The following SORCS1 variants were observed in gnomAD, a reference collection of about 807,000 sequenced individuals.
The protein encoded by SORCS1 is sortilin related VPS10 domain containing receptor 1.
A neutral mutation model predicts 146.1 loss-of-function variants in SORCS1; 60 were observed. The observed-to-expected ratio is 0.41, with a 90% CI of 0.33 to 0.51. The LOEUF (loss-of-function observed/expected upper bound fraction) is 0.51. Ranked by LOEUF, SORCS1 falls within the 20% of genes least tolerant of loss-of-function variation. The pLI, the probability that SORCS1 is intolerant of heterozygous loss-of-function variation, is 0.21. For missense variants in SORCS1, 1,352 were observed against 1,487.6 expected (o/e 0.91, Z 1.50); for synonymous variants, 637 against 584.0 (o/e 1.09, Z -1.31).
intron 3 of SORCS1, among the ~76,000 whole-genome samples, chr10:106,796,500 C>T (rs1946560758): frequency 1.3e-5 from 2 of 152,144 alleles, no homozygotes; most frequent in Admixed American, 6.5e-5. Flanking sequence ...CCCGGCAAGA[C>T]TCAATTGCCA....
chr10:107,051,315 C>T (rs1399971401), intron 1 of SORCS1, among the ~76,000 whole-genome samples: 4 of 151,936 alleles, frequency 2.6e-5, no homozygotes. Context: ...TCTTACCAGC[C>T]ATAAAAATAT....
Position 106,966,112 on chromosome 10 carries a change from T to C in SORCS1, c.559-9532A>G, listed in dbSNP as rs367687529. ...GAATGCACATGCAGCTAACTGCAGA[T>C]TTCCACAGATGGTTTTACAGTATCA... On this transcript the variant is annotated intron_variant, in intron 1 of 25. Transcript: ENST00000263054. 2.2e-4 allele frequency among the ~76,000 whole-genome samples: 34 copies of C among 152,352 alleles called. No homozygotes were observed. The East Asian group carries it at 6.6e-3, about 29-fold the overall frequency.
intron 3 of SORCS1, among the ~76,000 whole-genome samples, chr10:106,804,250 T>C (rs1947054145): frequency 6.6e-6 from 1 of 152,028 alleles, no homozygotes; most frequent in African/African-American, 2.4e-5. Flanking sequence ...CAACTGTGTA[T>C]GGAAATAATT....
intron 1 of SORCS1, among the ~76,000 whole-genome samples, chr10:106,987,964 T>G (rs17192109): frequency 0.22 from 33,730 of 152,138 alleles, 4,531 homozygotes; most frequent in Middle Eastern, 0.33. Flanking sequence ...TTAACAAAAA[T>G]TGATAAAAAC....
At chr10:107,124,792 G>GT (rs930854632) in intron 1 of SORCS1, among the ~76,000 whole-genome samples, 1 of 152,008 alleles carries the variant, frequency 6.6e-6, no homozygotes, top group African/African-American at 2.4e-5. Flanking sequence ...TGTATGAAAC[G>GT]TGTAATTTTC....
intron 1 of SORCS1, among the ~76,000 whole-genome samples, chr10:107,036,010 A>T (rs1250194230): frequency 6.6e-6 from 1 of 151,286 alleles, no homozygotes; most frequent in Non-Finnish European, 1.5e-5. Flanking sequence ...GAACACAGAC[A>T]GTGTGATTCT....
intron 3 of SORCS1, among the ~76,000 whole-genome samples, chr10:106,821,838 C>T (rs1275041483): frequency 1.3e-5 from 2 of 151,788 alleles, no homozygotes; most frequent in Admixed American, 6.6e-5. Flanking sequence ...AGGAGAATGG[C>T]GTGACCCTGG....
At chr10:106,735,900 A>G (rs1230349416) in intron 5 of SORCS1, among the ~76,000 whole-genome samples, 1 of 152,226 alleles carries the variant, frequency 6.6e-6, no homozygotes, top group East Asian at 1.9e-4. Flanking sequence ...TGCACAGGTC[A>G]TCTAGATGAG....
At chr10:107,121,205 G>A (rs1373280679) in intron 1 of SORCS1, among the ~76,000 whole-genome samples, 2 of 152,170 alleles carry the variant, frequency 1.3e-5, no homozygotes, top group Admixed American at 6.5e-5. Flanking sequence ...GCCACAGGAT[G>A]CCATGTGATT....
At chr10:106,613,274 A>G (rs549719066) in intron 21 of SORCS1, among the ~76,000 whole-genome samples, 1 of 152,300 alleles carries the variant, frequency 6.6e-6, no homozygotes, top group African/African-American at 2.4e-5. Flanking sequence ...TATGAGGGGA[A>G]TTCTCTGTGC....
chr10:106,675,251 T>G, intron 13 of SORCS1, 95 bp from the exon 14 acceptor site: 1 of 859,502 alleles, frequency 1.2e-6, no homozygotes, highest in Non-Finnish European at 1.8e-6. Context: ...ATAATACATT[T>G]TAAAAGTAGC....
In SORCS1 at chr10:106,704,195, A is replaced by G. The variant is rs558068859; in HGVS notation, c.1233+2350T>C. Among the ~76,000 whole-genome samples the G allele has an allele frequency of 1.6e-4, 25 of 152,264 alleles. No individual in the cohort carries two copies. The South Asian group carries it at 5.0e-3, about 30-fold the overall frequency. On this transcript the variant is annotated intron_variant, in intron 8 of 25. Transcript: ENST00000263054. The stretch of plus-strand genomic sequence containing the variant: ...TATGATTTCTGGGGCTCCTTAAGTC[A>G]ATGGGATTTTCTTCTTAATGCCCCT...
At chr10:106,730,302 ATGAAAACTACATT>A (rs1856502245) in intron 5 of SORCS1, among the ~76,000 whole-genome samples, 188 bp from the exon 6 acceptor site, 1 of 152,216 alleles carries the variant, frequency 6.6e-6, no homozygotes, top group Non-Finnish European at 1.5e-5. Context: ...AAAAATGATA[ATGAAAACTACATT>A]TGATGAAAGG....
Position 106,964,213 on chromosome 10 carries a change from T to C in SORCS1, c.559-7633A>G, listed in dbSNP as rs188029271. Among the ~76,000 whole-genome samples the C allele has an allele frequency of 9.2e-5, 14 of 152,318 alleles. No individual in the cohort carries two copies. In the East Asian group the frequency reaches 1.2e-3, roughly 13 times the overall value. ...AATACAGAGATAGGCTTTGGCACTA[T>C]TGTGGAGGACCTTAAATATTAGGCT... On this transcript the variant is annotated intron_variant, in intron 1 of 25. Transcript: ENST00000263054.
At chr10:107,111,309 C>G (rs1343921256) in intron 1 of SORCS1, among the ~76,000 whole-genome samples, 1 of 151,932 alleles carries the variant, frequency 6.6e-6, no homozygotes, top group Non-Finnish European at 1.5e-5. Flanking sequence ...AAAACATAGA[C>G]AATTTGATGA....
intron 2 of SORCS1, among the ~76,000 whole-genome samples, chr10:106,911,274 G>C (rs144231600): frequency 5.8e-4 from 89 of 152,250 alleles, no homozygotes; most frequent in Middle Eastern, 3.4e-3. Flanking sequence ...TCATTCATAA[G>C]CTCCCTGGTT....
intron 2 of SORCS1, among the ~76,000 whole-genome samples, chr10:106,938,768 C>G (rs905172902): frequency 6.6e-6 from 1 of 152,202 alleles, no homozygotes; most frequent in Non-Finnish European, 1.5e-5. Context: ...ATATCAGCAT[C>G]AGAACATCAA....
intron 23 of SORCS1, among the ~76,000 whole-genome samples, chr10:106,599,223 C>T (rs1387373853): frequency 6.6e-6 from 1 of 151,948 alleles, no homozygotes; most frequent in African/African-American, 2.4e-5. Context: ...AAAAATTAGC[C>T]AGGCATGGTG....
intron 2 of SORCS1, among the ~76,000 whole-genome samples, chr10:106,884,314 G>A (rs767418383): frequency 2.6e-5 from 4 of 152,134 alleles, no homozygotes; most frequent in Non-Finnish European, 4.4e-5. Context: ...CTGAGATAAC[G>A]TAAGATTATC....
Sources: allele counts gnomAD v4.1 joint callset (sites outside exome capture counted in the v4.1 genomes callset), GRCh38; gene constraint gnomAD v4.1.1; transcripts MANE v1.5; gene names NCBI Gene and HGNC (gene_info 2026-07-23, HGNC 2026-07-21).